Variants in RBM6 observed in about 807,000 individuals in gnomAD.
RBM6 encodes the protein RNA-binding protein 6.
RBM6 carries 23 observed loss-of-function variants against 140.4 expected under a neutral mutation model. That is an observed-to-expected ratio of 0.16 (90% CI 0.12 to 0.23). The LOEUF (loss-of-function observed/expected upper bound fraction) is 0.23. Among genes scored for constraint, RBM6 ranks in the 10% least tolerant of loss-of-function variants. The probability of loss-of-function intolerance (pLI) is 1.00; values close to 1 mark genes in which losing one functional copy is unlikely to be tolerated. For synonymous variants in RBM6, 439 were observed against 475.6 expected (o/e 0.92, Z 1.00); for missense variants, 1,139 against 1,386.7 (o/e 0.82, Z 2.84).
At chr3:50,006,909 G>A (rs1404931158) in intron 6 of RBM6, among the ~76,000 whole-genome samples, 1 of 148,268 alleles carries the variant, frequency 6.7e-6, no homozygotes, top group Non-Finnish European at 1.5e-5. Context: ...TCCAGCCTGG[G>A]CGACAGAGTG....
intron 15 of RBM6, among the ~76,000 whole-genome samples, chr3:50,063,371 C>T: frequency 6.6e-6 from 1 of 151,982 alleles, no homozygotes. Flanking sequence ...CGTTGGGAGG[C>T]CAAGACAGGT....
chr3:49,976,804 C>G (rs2085082457), intron 5 of RBM6, among the ~76,000 whole-genome samples: 2 of 152,280 alleles, frequency 1.3e-5, no homozygotes, highest in East Asian at 3.9e-4. Context: ...AGAGGAAGTT[C>G]TTAAATTTGC....
chr3:50,021,775 CAG>C (rs1254406745), intron 6 of RBM6, among the ~76,000 whole-genome samples: 1 of 35,990 alleles, frequency 2.8e-5, no homozygotes, highest in Non-Finnish European at 5.0e-5. Context: ...TTTTTTGAGA[CAG>C]AGTCTCACTT....
intron 18 of RBM6, 92 bp from the exon 19 acceptor site, chr3:50,070,363 A>T (rs1270389491): frequency 4.3e-6 from 4 of 935,914 alleles, no homozygotes; most frequent in Non-Finnish European, 6.9e-6. Context: ...TCAAGAAAAA[A>T]ATAATAATAA....
At chr3:50,044,686 G>T (rs896728507) in intron 6 of RBM6, among the ~76,000 whole-genome samples, 4 of 152,122 alleles carry the variant, frequency 2.6e-5, no homozygotes, top group Non-Finnish European at 5.9e-5. Context: ...ACACTGACAG[G>T]TCTGTTTTCT....
rs777359037 is a variant in RBM6 at position 50,075,227 on chromosome 3, A to C, written c.3143A>C (p.Asp1048Ala). 1 of 1,613,992 alleles carries C rather than the reference A, an allele frequency of 6.2e-7. No individual in the cohort carries two copies. The highest frequency in any genetic ancestry group is 8.5e-7 in the Non-Finnish European group (1 of 1,179,996). Residue 1048 changes from aspartate to alanine, a missense_variant, in exon 20 of 21, where the codon GAT becomes GCT. Around this residue, in one of 9 missense-constraint regions of RBM6, gnomAD observed 125 missense variants for 142.0 expected, o/e 0.88. Coordinates refer to ENST00000266022, the MANE Select transcript of RBM6 (RefSeq NM_005777.3). ...DSDRKLVDKE[D>A]IDTSSKGGCV... ...GATCGTAAACTTGTTGATAAAGAAGATATCGACACTAGCAGCAAAGGAGGC... is the reference window on the plus strand; with the variant it reads ...GATCGTAAACTTGTTGATAAAGAAGCTATCGACACTAGCAGCAAAGGAGGC...
intron 5 of RBM6, among the ~76,000 whole-genome samples, chr3:49,998,188 T>C (rs2108732255): frequency 6.6e-6 from 1 of 152,380 alleles, no homozygotes; most frequent in Non-Finnish European, 1.5e-5. Context: ...ATTCATTTCA[T>C]GTGACAAGGA....
At chr3:50,048,811 CTT>C (rs899339057) in intron 7 of RBM6, among the ~76,000 whole-genome samples, 1 of 151,038 alleles carries the variant, frequency 6.6e-6, no homozygotes, top group Non-Finnish European at 1.5e-5. Context: ...AGGCTATACT[CTT>C]TTTTTTTGAA....
At chr3:50,053,072 A>C (rs984288562) in intron 7 of RBM6, among the ~76,000 whole-genome samples, 3 of 151,432 alleles carry the variant, frequency 2.0e-5, no homozygotes, top group African/African-American at 7.3e-5. Flanking sequence ...ACAATGAAAT[A>C]ACTGACTGTA....
At chr3:50,017,525 T>A (rs1290202009) in intron 6 of RBM6, among the ~76,000 whole-genome samples, 1 of 146,456 alleles carries the variant, frequency 6.8e-6, no homozygotes, top group Non-Finnish European at 1.5e-5. Context: ...GCCACTGCAC[T>A]CCAGCCTGGG....
At chr3:49,989,956 ACG>A (rs2085746488) in intron 5 of RBM6, among the ~76,000 whole-genome samples, 1 of 152,116 alleles carries the variant, frequency 6.6e-6, no homozygotes, top group Admixed American at 6.6e-5. Context: ...CATGTTGGCC[ACG>A]CTGGTCTCGA....
intron 2 of RBM6, among the ~76,000 whole-genome samples, chr3:49,965,861 T>G (rs2084492581): frequency 6.6e-6 from 1 of 152,112 alleles, no homozygotes; most frequent in African/African-American, 2.4e-5. Flanking sequence ...GCATGGTGGC[T>G]CACGCCTGTA....
chr3:49,997,149 G>T (rs759735598), intron 5 of RBM6, among the ~76,000 whole-genome samples: 76 of 151,568 alleles, frequency 5.0e-4, no homozygotes, highest in Middle Eastern at 3.4e-3. Flanking sequence ...CATGAGTCTT[G>T]AACACACAGA....
rs754544321 is a variant in RBM6 at position 50,057,996 on chromosome 3, G to C, written c.1962G>C (p.Glu654Asp). 3.7e-6 allele frequency: 6 copies of C among 1,612,826 alleles called. No homozygotes were observed. The highest frequency in any genetic ancestry group is 5.1e-6 in the Non-Finnish European group (6 of 1,179,708). The change falls in exon 9 of 21, where the codon GAG (glutamate) becomes GAC (aspartate). Residue 654 changes from glutamate (E) to aspartate (D), a missense_variant. Transcript: ENST00000266022. ...SWSGETRQDG[E>D]SKTIMLKRIY... The stretch of plus-strand genomic sequence containing the variant: ...CTGGAGAGACACGCCAGGATGGAGA[G>C]AGCAAAAGTAAGTAGTTTGTCAGGG...
At chr3:49,960,580 G>T (rs2084236696) in intron 1 of RBM6, among the ~76,000 whole-genome samples, 1 of 152,098 alleles carries the variant, frequency 6.6e-6, no homozygotes, top group Admixed American at 6.6e-5. Context: ...TGCTGTAGGG[G>T]TCATATTTAA....
intron 1 of RBM6, among the ~76,000 whole-genome samples, chr3:49,952,068 T>C (rs1392421028): frequency 6.6e-6 from 1 of 151,036 alleles, no homozygotes; most frequent in Non-Finnish European, 1.5e-5. Flanking sequence ...GGAGTCTTGC[T>C]CTGTCACCCA....
intron 5 of RBM6, among the ~76,000 whole-genome samples, chr3:49,989,323 C>G (rs1462204962): frequency 1.3e-5 from 2 of 152,078 alleles, no homozygotes; most frequent in East Asian, 1.9e-4. Context: ...GCCTGTAATG[C>G]CAGCACTTTG....
intron 6 of RBM6, among the ~76,000 whole-genome samples, chr3:50,016,560 A>C (rs2108781608): frequency 6.6e-6 from 1 of 151,674 alleles, no homozygotes; most frequent in Non-Finnish European, 1.5e-5. Context: ...ACTAATTTAC[A>C]TTCCCACAGT....
chr3:50,075,339 G>C lies in RBM6; in HGVS notation c.3246+9G>C. On this transcript the variant is annotated intron_variant, in intron 20 of 20. Coordinates refer to ENST00000266022, the MANE Select transcript of RBM6 (RefSeq NM_005777.3). Reference sequence around the variant, plus strand: ...TGGCTTCATCAGAGGAGGTAAAATGGTTTCCATCTTTTGGGGGGTGACATG... The same window carrying C: ...TGGCTTCATCAGAGGAGGTAAAATGCTTTCCATCTTTTGGGGGGTGACATG... 4 of 1,606,048 alleles carry C rather than the reference G, an allele frequency of 2.5e-6. No homozygotes were observed. Among genetic ancestry groups the C allele is most frequent in the East Asian group, 2.2e-5 (1 of 44,720 alleles).
Sources: gnomAD v4.1 joint callset for allele counts (sites outside exome capture counted in the v4.1 genomes callset) on GRCh38, gnomAD v4.1.1 for gene constraint, gnomAD v4.1.1 regional missense constraint, MANE v1.5 for transcripts, NCBI Gene and HGNC (gene_info 2026-07-23, HGNC 2026-07-21) for gene names.